Variants in ADAMTSL1 observed in about 807,000 individuals in gnomAD.
ADAMTSL1 encodes ADAMTS like 1.
ADAMTSL1 carries 126 observed loss-of-function variants against 201.8 expected under a neutral mutation model. The observed-to-expected ratio is 0.62, with a 90% CI of 0.54 to 0.72. ADAMTSL1 has a LOEUF of 0.72. Ranked by LOEUF, ADAMTSL1 falls within the 30% of genes least tolerant of loss-of-function variation. The pLI, the probability that ADAMTSL1 is intolerant of heterozygous loss-of-function variation, is 0.00. For missense variants in ADAMTSL1, 2,679 were observed against 2,277.8 expected (o/e 1.18, Z -3.59); for synonymous variants, 1,121 against 903.4 (o/e 1.24, Z -4.32).
At chr9:18,654,282 A>G (rs980040078) in intron 7 of ADAMTSL1, among the ~76,000 whole-genome samples, 1 of 152,246 alleles carries the variant, frequency 6.6e-6, no homozygotes, top group African/African-American at 2.4e-5. Flanking sequence ...GCTTCCATTT[A>G]TGAATTTTAT....
chr9:18,351,132 A>C (rs1835946121), intron 2 of ADAMTSL1, among the ~76,000 whole-genome samples: 1 of 152,122 alleles, frequency 6.6e-6, no homozygotes, highest in East Asian at 1.9e-4. Flanking sequence ...CTAGTTTGAA[A>C]TGAATGCCTT....
intron 1 of ADAMTSL1, among the ~76,000 whole-genome samples, chr9:17,954,443 G>A (rs140094391): frequency 1.7e-3 from 252 of 152,286 alleles, no homozygotes; most frequent in African/African-American, 5.8e-3. Flanking sequence ...ATTAGCAATT[G>A]TCTGGGATAT....
intron 23 of ADAMTSL1, among the ~76,000 whole-genome samples, chr9:18,832,262 C>G (rs556488186): frequency 6.6e-6 from 1 of 152,274 alleles, no homozygotes; most frequent in East Asian, 1.9e-4. Context: ...CCCATCTGGA[C>G]AAGCTCCCAT....
At chr9:18,767,960 A>G (rs1371075558) in intron 16 of ADAMTSL1, among the ~76,000 whole-genome samples, 1 of 152,244 alleles carries the variant, frequency 6.6e-6, no homozygotes, top group African/African-American at 2.4e-5. Flanking sequence ...GTAATGAGTA[A>G]CAGGTGGTCT....
intron 20 of ADAMTSL1, among the ~76,000 whole-genome samples, chr9:18,809,933 G>A (rs916205638): frequency 2.0e-5 from 3 of 152,226 alleles, no homozygotes; most frequent in African/African-American, 4.8e-5. Context: ...ACTGTAGTGA[G>A]GGAAGAGTGA....
chr9:18,571,547 G>A (rs915041400), intron 3 of ADAMTSL1, among the ~76,000 whole-genome samples: 8 of 152,170 alleles, frequency 5.3e-5, no homozygotes, highest in African/African-American at 1.4e-4. Context: ...TTGCTAAACT[G>A]TCAGTTCAAC....
At chr9:18,431,230 G>C (rs1001426932) in intron 2 of ADAMTSL1, among the ~76,000 whole-genome samples, 1 of 152,196 alleles carries the variant, frequency 6.6e-6, no homozygotes, top group Non-Finnish European at 1.5e-5. Context: ...GTTTTTACTT[G>C]TTGAGATGTT....
intron 1 of ADAMTSL1, among the ~76,000 whole-genome samples, chr9:18,153,657 A>G (rs1827018717): frequency 6.6e-6 from 1 of 152,044 alleles, no homozygotes; most frequent in Non-Finnish European, 1.5e-5. Context: ...TGTGAAAGGC[A>G]GTGACTTTGA....
chr9:17,927,572 T>G (rs1156659770), intron 1 of ADAMTSL1, among the ~76,000 whole-genome samples: 1 of 152,040 alleles, frequency 6.6e-6, no homozygotes, highest in Non-Finnish European at 1.5e-5. Flanking sequence ...TCAAAATATC[T>G]AAAAACAATA....
intron 15 of ADAMTSL1, among the ~76,000 whole-genome samples, chr9:18,737,047 G>T (rs1483967166): frequency 1.3e-5 from 2 of 152,112 alleles, no homozygotes; most frequent in African/African-American, 4.8e-5. Flanking sequence ...GGCCAGGCGT[G>T]GTGGCTCACG....
At chr9:18,687,675 C>G (rs148469500) in intron 13 of ADAMTSL1, among the ~76,000 whole-genome samples, 1 of 152,064 alleles carries the variant, frequency 6.6e-6, no homozygotes, top group African/African-American at 2.4e-5. Context: ...TAACCTTGTT[C>G]GATGTTAGAT....
intron 21 of ADAMTSL1, among the ~76,000 whole-genome samples, chr9:18,818,667 C>G (rs1298966941): frequency 1.3e-5 from 2 of 152,022 alleles, no homozygotes; most frequent in Non-Finnish European, 2.9e-5. Flanking sequence ...GTGACGCATG[C>G]CTATAGTCTC....
At chr9:18,346,053 C>T (rs1306032944) in intron 2 of ADAMTSL1, among the ~76,000 whole-genome samples, 1 of 152,142 alleles carries the variant, frequency 6.6e-6, no homozygotes, top group African/African-American at 2.4e-5. Flanking sequence ...TAATCATCTC[C>T]AATCTGTACC....
At chr9:18,164,911 T>A (rs1036882333) in intron 2 of ADAMTSL1, among the ~76,000 whole-genome samples, 1 of 151,914 alleles carries the variant, frequency 6.6e-6, no homozygotes, top group Non-Finnish European at 1.5e-5. Flanking sequence ...CACTTCTTAT[T>A]GTTTTTGTCA....
intron 16 of ADAMTSL1, among the ~76,000 whole-genome samples, chr9:18,757,957 C>A (rs1298900905): frequency 1.3e-5 from 2 of 152,206 alleles, no homozygotes; most frequent in African/African-American, 4.8e-5. Flanking sequence ...TTCAGCACAG[C>A]TCTAGACACT....
chr9:18,359,818 T>TCCCC (rs1187779796), intron 2 of ADAMTSL1, among the ~76,000 whole-genome samples: 87 of 42,626 alleles, frequency 2.0e-3, no homozygotes, highest in Non-Finnish European at 2.5e-3. Flanking sequence ...ATGCCCCACC[T>TCCCC]CCCCACCCGC....
intron 1 of ADAMTSL1, among the ~76,000 whole-genome samples, chr9:18,481,838 T>G (rs775285598): frequency 2.0e-5 from 3 of 152,230 alleles, no homozygotes; most frequent in Non-Finnish European, 4.4e-5. Flanking sequence ...AAAACTATTT[T>G]CAAGATAAAT....
chr9:18,555,070 T>C (rs1421326630), intron 3 of ADAMTSL1, among the ~76,000 whole-genome samples: 1 of 151,950 alleles, frequency 6.6e-6, no homozygotes, highest in Non-Finnish European at 1.5e-5. Flanking sequence ...GTCTTTTTAT[T>C]GTCTCCTTAG....
intron 1 of ADAMTSL1, among the ~76,000 whole-genome samples, chr9:18,003,507 G>A (rs1008928172): frequency 6.6e-5 from 10 of 151,968 alleles, no homozygotes; most frequent in African/African-American, 1.9e-4. Context: ...CTTTCCCATC[G>A]GCATGACCTG....
Sources: gnomAD v4.1 joint callset for allele counts (sites outside exome capture counted in the v4.1 genomes callset) on GRCh38, gnomAD v4.1.1 for gene constraint, MANE v1.5 for transcripts, NCBI Gene and HGNC (gene_info 2026-07-23, HGNC 2026-07-21) for gene names.